The following CLEC12B variants were observed in gnomAD, a reference collection of about 807,000 sequenced individuals.
CLEC12B encodes macrophage antigen h.
Under a neutral mutation model 36.1 loss-of-function variants are expected in CLEC12B, and 25 were observed. The ratio of observed to expected loss-of-function variants is 0.69; its 90% confidence interval spans 0.50 to 0.97. CLEC12B has a LOEUF of 0.97. Among genes scored for constraint, CLEC12B ranks in the 50% least tolerant of loss-of-function variants. The pLI, the probability that CLEC12B is intolerant of heterozygous loss-of-function variation, is 0.00. For synonymous variants in CLEC12B, 110 were observed against 108.5 expected (o/e 1.01, Z -0.09); for missense variants, 325 against 318.4 (o/e 1.02, Z -0.16).
upstream of CLEC12B, among the ~76,000 whole-genome samples, chr12:10,008,148 C>T (rs1277272085): frequency 3.3e-5 from 5 of 152,214 alleles, no homozygotes; most frequent in East Asian, 1.9e-4. Flanking sequence ...ATGTTATTTA[C>T]CTGCACTGTC....
intron 5 of CLEC12B, chr12:10,017,701 T>G: frequency 1.1e-6 from 1 of 932,274 alleles, no homozygotes; most frequent in Non-Finnish European, 1.3e-6. Flanking sequence ...ATGCAGGTCA[T>G]TTAGAAAAAA....
At chr12:10,014,289 T>C (rs561744172) in intron 2 of CLEC12B, among the ~76,000 whole-genome samples, 1 of 152,094 alleles carries the variant, frequency 6.6e-6, no homozygotes, top group Non-Finnish European at 1.5e-5. Flanking sequence ...CAGAAATATA[T>C]CATTATTAAA....
upstream of CLEC12B, among the ~76,000 whole-genome samples, chr12:10,009,643 G>GA (rs1032642159): frequency 3.9e-5 from 6 of 151,970 alleles, no homozygotes; most frequent in African/African-American, 1.4e-4. Flanking sequence ...TTCCTAAAGA[G>GA]AAAGTTTTTA....
At chr12:10,007,297 A>T (rs1865241805), upstream of CLEC12B, among the ~76,000 whole-genome samples, 1 of 151,996 alleles carries the variant, frequency 6.6e-6, no homozygotes, top group East Asian at 1.9e-4. Flanking sequence ...GAACAAGTAG[A>T]GATGAAAAAA....
upstream of CLEC12B, among the ~76,000 whole-genome samples, chr12:10,009,257 G>A (rs1458844505): frequency 6.6e-6 from 1 of 151,692 alleles, no homozygotes; most frequent in Non-Finnish European, 1.5e-5. Context: ...TCTTTAAGAG[G>A]TGTAACCCTC....
At chr12:10,017,524 A>C (rs1591872316) in intron 5 of CLEC12B, 8 of 985,402 alleles carry the variant, frequency 8.1e-6, no homozygotes, top group Non-Finnish European at 9.6e-6. Context: ...GAACCTACAG[A>C]CCCTGGCCCC....
At chr12:10,013,857 G>A (rs539144226) in intron 2 of CLEC12B, among the ~76,000 whole-genome samples, 2 of 152,238 alleles carry the variant, frequency 1.3e-5, no homozygotes, top group African/African-American at 4.8e-5. Context: ...ATCAGTATGA[G>A]GATTAGCAGC....
upstream of CLEC12B, among the ~76,000 whole-genome samples, chr12:10,008,978 CA>C (rs1432801896): frequency 2.0e-5 from 3 of 152,110 alleles, no homozygotes; most frequent in Non-Finnish European, 4.4e-5. Context: ...TAAAACGCAC[CA>C]ATCAGTGCCA....
intron 1 of CLEC12B, among the ~76,000 whole-genome samples, chr12:10,011,555 G>C (rs1865327656): frequency 6.6e-6 from 1 of 152,162 alleles, no homozygotes; most frequent in African/African-American, 2.4e-5. Flanking sequence ...ATGTGGGGAA[G>C]CCCAGTCTCA....
chr12:10,014,578 G>C lies in CLEC12B; in HGVS notation c.246G>C (p.Gln82His). ...NSDSEKLSQLQKTIQQQQDNL... is the reference protein window; with the variant it reads ...NSDSEKLSQLHKTIQQQQDNL... ...ATTCAGAGAAATTGAGTCAACTTCA[G>C]AAAACCATCCAACAGCAGCAGGATA... The change falls in exon 3 of 6, where the codon CAG (glutamine) becomes CAC (histidine). Residue 82 changes from glutamine (Q) to histidine (H), a missense_variant. Coordinates refer to ENST00000338896, the MANE Select transcript of CLEC12B (RefSeq NM_001129998.3). The C allele has an allele frequency of 6.2e-7, 1 of 1,613,758 alleles. No homozygotes were observed. The highest frequency in any genetic ancestry group is 8.5e-7 in the Non-Finnish European group (1 of 1,179,764).
Position 10,015,334 on chromosome 12 carries a change from C to T in CLEC12B, c.492C>T (p.Thr164=). The change falls in exon 4 of 6, where the codon ACC becomes ACT. Residue 164 remains threonine (T), a synonymous_variant. Transcript: ENST00000338896. ...CYYFTTNEEK[T]WANSRKDCID... ...ATTTTACAACAAATGAGGAGAAAAC[C>T]TGGGCTAACAGTAGAAAGGACTGCA... 1 of 1,613,312 alleles carries T rather than the reference C, an allele frequency of 6.2e-7. No homozygotes were observed.
At chr12:10,006,740 T>C (rs1207800499), upstream of CLEC12B, among the ~76,000 whole-genome samples, 1 of 152,172 alleles carries the variant, frequency 6.6e-6, no homozygotes, top group Non-Finnish European at 1.5e-5. Flanking sequence ...ATGTTGACTT[T>C]AGCAGGAGTG....
chr12:10,012,541 T>A (rs1028105648), intron 1 of CLEC12B, among the ~76,000 whole-genome samples: 1 of 152,104 alleles, frequency 6.6e-6, no homozygotes, highest in Non-Finnish European at 1.5e-5. Context: ...CCTAAAGGTA[T>A]GCCTCCCCCC....
chr12:10,017,533 C>T (rs977512142), intron 5 of CLEC12B: 10 of 985,370 alleles, frequency 1.0e-5, no homozygotes, highest in Non-Finnish European at 1.2e-5. Context: ...GACCCTGGCC[C>T]CTGAGACATG....
upstream of CLEC12B, among the ~76,000 whole-genome samples, chr12:10,007,941 G>A (rs928122476): frequency 6.6e-6 from 1 of 152,242 alleles, no homozygotes; most frequent in Non-Finnish European, 1.5e-5. Flanking sequence ...GGCATGGTCA[G>A]TGAAGTTGCT....
Position 10,018,447 on chromosome 12 carries a change from C to T in CLEC12B, c.797C>T (p.Thr266Ile), listed in dbSNP as rs377254609. 1 of 1,550,750 alleles carries T rather than the reference C, an allele frequency of 6.4e-7. No individual in the cohort carries two copies. Among genetic ancestry groups the T allele is most frequent in the Non-Finnish European group, 8.7e-7 (1 of 1,146,636 alleles). Residue 266 changes from threonine (T) to isoleucine (I), a missense_variant, in exon 6 of 6, where the codon ACA becomes ATA. Transcript: ENST00000338896. ...SAEIFWICEK[T>I]AAPVKTEDLD ...GAAATTTTTTGGATTTGCGAGAAGA[C>T]AGCTGCCCCAGTGAAGACTGAGGAT...
At chr12:10,013,126 G>T in intron 2 of CLEC12B, 1 of 479,954 alleles carries the variant, frequency 2.1e-6, no homozygotes, top group Admixed American at 4.0e-5. Flanking sequence ...AAGACTCTTT[G>T]TTTCCAGTTA....
chr12:10,017,741 C>CTT (rs1865521958), intron 5 of CLEC12B: 4 of 870,898 alleles, frequency 4.6e-6, no homozygotes, highest in Non-Finnish European at 5.5e-6. Flanking sequence ...AAATTTAGAT[C>CTT]TGACAAGTAT....
chr12:10,018,589 T>C lies in CLEC12B; in HGVS notation c.*108T>C. ...CAAACCAGCTTTTAAAATGACTGTG[T>C]ATTTACATTATCAGACAAATGAACT... On this transcript the variant is annotated 3_prime_UTR_variant, in exon 6 of 6. Coordinates refer to ENST00000338896, the MANE Select transcript of CLEC12B (RefSeq NM_001129998.3). 1.2e-6 allele frequency: 1 copy of C among 838,058 alleles called. No individual in the cohort carries two copies. Among genetic ancestry groups the C allele is most frequent in the Non-Finnish European group, 1.9e-6 (1 of 532,850 alleles). 51.9% of individuals were successfully genotyped at this position (838,058 alleles called of 1,614,324 possible). A position where few individuals can be genotyped will look rare whatever the true frequency, so the allele number is the denominator to read the frequency against.
Sources: gnomAD v4.1 joint callset for allele counts (sites outside exome capture counted in the v4.1 genomes callset) on GRCh38, gnomAD v4.1.1 for gene constraint, MANE v1.5 for transcripts, NCBI Gene and HGNC (gene_info 2026-07-23, HGNC 2026-07-21) for gene names.